Variants in MTM1 observed in about 807,000 individuals in gnomAD.
MTM1 encodes the protein myotubularin.
A neutral mutation model predicts 52.1 loss-of-function variants in MTM1; 9 were observed. The ratio of observed to expected loss-of-function variants is 0.17; its 90% CI spans 0.10 to 0.30. The LOEUF is 0.30. Ranked by LOEUF, MTM1 falls within the 10% of genes least tolerant of loss-of-function variation. MTM1 has a pLI of 1.00. For missense variants in MTM1, 277 were observed against 470.7 expected, an observed-to-expected ratio of 0.59 and a Z score of 3.81; for synonymous variants, 136 against 163.8, an observed-to-expected ratio of 0.83 and a Z score of 1.29.
intron 6 of MTM1, among the ~76,000 whole-genome samples, chrX:150,631,797 T>C (rs1292357242): frequency 1.8e-5 from 2 of 111,458 alleles, no homozygotes; most frequent in Non-Finnish European, 3.8e-5. Context: ...GTATAAGATA[T>C]GAATCCAACT....
chrX:150,621,358 T>C, intron 6 of MTM1, among the ~76,000 whole-genome samples: 1 of 110,746 alleles, frequency 9.0e-6, no homozygotes, highest in Non-Finnish European at 1.9e-5. Flanking sequence ...TTTCCTCTCT[T>C]TTCTACTTAT....
chrX:150,629,653 T>C (rs2039630698), intron 6 of MTM1, among the ~76,000 whole-genome samples: 1 of 112,807 alleles, frequency 8.9e-6, no homozygotes, highest in Admixed American at 9.3e-5. Flanking sequence ...TCAATGAGAA[T>C]ATTCTGCTTT....
intron 4 of MTM1, among the ~76,000 whole-genome samples, chrX:150,603,088 G>A (rs1456778581): frequency 8.9e-6 from 1 of 112,159 alleles, no homozygotes; most frequent in Non-Finnish European, 1.9e-5. Context: ...AACTCTTGAA[G>A]AATGGTAACA....
intron 1 of MTM1, among the ~76,000 whole-genome samples, chrX:150,574,942 G>A (rs1177108653): frequency 1.8e-5 from 2 of 112,306 alleles, no homozygotes; most frequent in African/African-American, 6.5e-5. Flanking sequence ...CTGAGTTTCA[G>A]AGAGGTTAGG....
In MTM1 at chrX:150,635,687, A is replaced by C. The variant is rs782339038; in HGVS notation, c.445-3256A>C. On this transcript the variant is annotated intron_variant, in intron 6 of 14. Transcript: ENST00000370396. ...TACTCTGAGAGCCTATATTCTCTTA[A>C]TCTTTAAGAAAAAAAGAAAATATAT... Among the ~76,000 whole-genome samples, 4 of 111,890 alleles carry C rather than the reference A, an allele frequency of 3.6e-5. No individual in the cohort carries two copies. The East Asian group carries it at 8.4e-4, about 23-fold the overall frequency.
intron 14 of MTM1, among the ~76,000 whole-genome samples, chrX:150,669,858 C>T (rs782192035): frequency 1.8e-5 from 2 of 112,297 alleles, no homozygotes; most frequent in East Asian, 2.8e-4. Flanking sequence ...TTTTGCTGTG[C>T]AGAAGCTCTT....
intron 4 of MTM1, among the ~76,000 whole-genome samples, chrX:150,612,190 C>CAAAA (rs377418608): frequency 1.2e-5 from 1 of 83,690 alleles, no homozygotes. Flanking sequence ...GGTCCTGTCT[C>CAAAA]AAAAAAAAAA....
intron 6 of MTM1, among the ~76,000 whole-genome samples, chrX:150,631,421 G>A: frequency 8.9e-6 from 1 of 111,789 alleles, no homozygotes; most frequent in Admixed American, 9.4e-5. Flanking sequence ...CCAGCACTTT[G>A]GGAAGTCGAG....
At chrX:150,565,294 G>T (rs2038248407), upstream of MTM1, among the ~76,000 whole-genome samples, 1 of 112,186 alleles carries the variant, frequency 8.9e-6, no homozygotes, top group Non-Finnish European at 1.9e-5. Context: ...GAGGTGAAGT[G>T]ACTTTCCCAA....
chrX:150,582,483 C>T (rs782197056), intron 1 of MTM1, among the ~76,000 whole-genome samples: 1 of 111,518 alleles, frequency 9.0e-6, no homozygotes, highest in Admixed American at 9.6e-5. Context: ...AAGCCCTAGT[C>T]CCTATTTCCT....
In MTM1 at chrX:150,672,829, TTTG is replaced by T. The variant is rs1265841977; in HGVS notation, c.*1237_*1239del. The T allele has an allele frequency of 2.7e-5, 3 of 112,488 alleles. No homozygotes were observed. Among genetic ancestry groups the T allele is most frequent in the African/African-American group, 9.7e-5 (3 of 30,991 alleles). 9.3% of individuals were successfully genotyped at this position (112,488 alleles called of 1,213,427 possible). On this transcript the variant is annotated 3_prime_UTR_variant, in exon 15 of 15. Coordinates refer to ENST00000370396, the MANE Select transcript of MTM1 (RefSeq NM_000252.3). ...AAGGACTATTTATAACTAATATGGT[TTTG>T]TTTTCAATGAATTAAGAAAGATTAA... is the stretch of plus-strand genomic sequence containing the variant.
intron 6 of MTM1, among the ~76,000 whole-genome samples, chrX:150,621,918 C>T (rs1264239411): frequency 1.8e-5 from 2 of 111,898 alleles, no homozygotes; most frequent in Admixed American, 9.5e-5. Context: ...CTACTGTCAG[C>T]ACAGTGACAT....
intron 6 of MTM1, among the ~76,000 whole-genome samples, chrX:150,626,668 A>G (rs782268451): frequency 4.5e-5 from 5 of 111,538 alleles, no homozygotes; most frequent in South Asian, 3.8e-4. Context: ...TTGCTTTGCA[A>G]TTTTAAACGA....
At chrX:150,563,962 G>C (rs1179859882), upstream of MTM1, among the ~76,000 whole-genome samples, 1 of 111,669 alleles carries the variant, frequency 9.0e-6, no homozygotes, top group Non-Finnish European at 1.9e-5. Context: ...CCCATCTCAT[G>C]TTTATAGTAT....
intron 4 of MTM1, among the ~76,000 whole-genome samples, chrX:150,607,799 T>C (rs5925392): frequency 0.37 from 41,473 of 110,829 alleles, 6,736 homozygotes; most frequent in East Asian, 0.68. Context: ...TGCTAGGATA[T>C]GATGGTGAGC....
At chrX:150,611,028 G>A (rs1338729284) in intron 4 of MTM1, among the ~76,000 whole-genome samples, 3 of 111,651 alleles carry the variant, frequency 2.7e-5, no homozygotes, top group African/African-American at 9.8e-5. Context: ...GCACTGTATC[G>A]ATAAGTAAAT....
At chrX:150,625,217 G>T (rs2039547038) in intron 6 of MTM1, among the ~76,000 whole-genome samples, 1 of 111,904 alleles carries the variant, frequency 8.9e-6, no homozygotes, top group Non-Finnish European at 1.9e-5. Flanking sequence ...CTGTAATGGA[G>T]ATAATAACAG....
At chrX:150,662,048 T>C (rs1336048505) in intron 13 of MTM1, among the ~76,000 whole-genome samples, 2 of 111,960 alleles carry the variant, frequency 1.8e-5, no homozygotes, top group Non-Finnish European at 3.8e-5. Flanking sequence ...ATATACAGTT[T>C]TTATTTGTCA....
chrX:150,640,696 C>T (rs1296478340), intron 7 of MTM1, among the ~76,000 whole-genome samples: 14 of 111,517 alleles, frequency 1.3e-4, no homozygotes, highest in Admixed American at 1.9e-4. Context: ...TCATCGATTC[C>T]GAACAACTTG....
Sources: allele counts gnomAD v4.1 joint callset (sites outside exome capture counted in the v4.1 genomes callset), GRCh38; gene constraint gnomAD v4.1.1; transcripts MANE v1.5; gene names NCBI Gene and HGNC (gene_info 2026-07-23, HGNC 2026-07-21).